Variants in EXOC4 observed in about 807,000 individuals in gnomAD.
EXOC4 encodes the protein SEC8-like 1.
EXOC4 carries 71 observed loss-of-function variants against 107.2 expected under a neutral mutation model. The ratio of observed to expected loss-of-function variants is 0.66; its 90% CI spans 0.55 to 0.81. The LOEUF (loss-of-function observed/expected upper bound fraction) is 0.81, where lower values mean the gene tolerates loss of function less well. Among genes scored for constraint, EXOC4 ranks in the 30% least tolerant of loss-of-function variants. EXOC4 has a pLI of 0.00. For missense variants in EXOC4, 1,108 were observed against 1,189.6 expected (o/e 0.93, Z 1.01); for synonymous variants, 456 against 441.2 (o/e 1.03, Z -0.42).
At chr7:133,971,116 G>A (rs1801211157) in intron 14 of EXOC4, among the ~76,000 whole-genome samples, 1 of 151,796 alleles carries the variant, frequency 6.6e-6, no homozygotes, top group African/African-American at 2.4e-5. Context: ...AGAGGCCCGG[G>A]CTTGACTTTC....
Position 134,053,805 on chromosome 7 carries a change from A to G in EXOC4, c.2688-10486A>G, listed in dbSNP as rs540939138. Reference sequence around the variant, plus strand: ...TTTCCTCCAACCTCCTGTCCCTTTAATCCCATCTGATCCTCTTTTCTGATT... The same window carrying G: ...TTTCCTCCAACCTCCTGTCCCTTTAGTCCCATCTGATCCTCTTTTCTGATT... On this transcript the variant is annotated intron_variant, in intron 17 of 17. Coordinates refer to ENST00000253861, the MANE Select transcript of EXOC4 (RefSeq NM_021807.4). 5.9e-5 allele frequency among the ~76,000 whole-genome samples: 9 copies of G among 152,138 alleles called. 1 individual carries two copies. The South Asian group carries it at 1.9e-3, about 32-fold the overall frequency.
intron 9 of EXOC4, among the ~76,000 whole-genome samples, chr7:133,628,084 G>A (rs34323853): frequency 0.39 from 59,858 of 151,704 alleles, 12,123 homozygotes; most frequent in South Asian, 0.52. Flanking sequence ...GTTTAATTTA[G>A]AAGAAGGAAA....
intron 10 of EXOC4, among the ~76,000 whole-genome samples, chr7:133,814,583 T>C (rs1326842455): frequency 6.6e-6 from 1 of 152,202 alleles, no homozygotes; most frequent in Non-Finnish European, 1.5e-5. Context: ...ATCTGGCTTT[T>C]TGAATAATAG....
intron 14 of EXOC4, among the ~76,000 whole-genome samples, chr7:133,995,392 C>G (rs563419853): frequency 6.6e-6 from 1 of 152,288 alleles, no homozygotes; most frequent in East Asian, 1.9e-4. Context: ...GTAGATAACT[C>G]TCCATGCTAC....
intron 17 of EXOC4, among the ~76,000 whole-genome samples, chr7:134,044,527 G>C (rs537928354): frequency 6.6e-6 from 1 of 152,254 alleles, no homozygotes; most frequent in Non-Finnish European, 1.5e-5. Flanking sequence ...TGTATCTGCT[G>C]AGATCACAGG....
chr7:133,412,814 T>A (rs1185487872), intron 7 of EXOC4, among the ~76,000 whole-genome samples: 1 of 152,124 alleles, frequency 6.6e-6, no homozygotes. Context: ...AGTTTGAGGT[T>A]TTCTTTTTTT....
At chr7:134,007,077 A>G (rs1794658620) in intron 16 of EXOC4, among the ~76,000 whole-genome samples, 1 of 152,170 alleles carries the variant, frequency 6.6e-6, no homozygotes, top group African/African-American at 2.4e-5. Flanking sequence ...ATTGTGTCTT[A>G]TACACCCATT....
rs1379536383 is a variant in EXOC4, at chr7:134,033,487, A to AC, written c.2687+25656dup. 5.3e-5 allele frequency among the ~76,000 whole-genome samples: 8 copies of AC among 152,096 alleles called. No homozygotes were observed. In the East Asian group the frequency reaches 1.6e-3, roughly 29 times the overall value. ...CCCACCTGTTAGCACCTTCTGCACC[A>AC]CCCCACATAACACTCCCAGGAACTC... On this transcript the variant is annotated intron_variant, in intron 17 of 17. Coordinates refer to ENST00000253861, the MANE Select transcript of EXOC4 (RefSeq NM_021807.4).
chr7:133,617,224 G>A (rs556947818), intron 9 of EXOC4, among the ~76,000 whole-genome samples: 22 of 152,222 alleles, frequency 1.4e-4, no homozygotes, highest in Non-Finnish European at 2.6e-4. Context: ...AGGATTACAA[G>A]AAAATGGACT....
At chr7:133,365,620 A>C (rs943314728) in intron 6 of EXOC4, among the ~76,000 whole-genome samples, 3 of 152,118 alleles carry the variant, frequency 2.0e-5, no homozygotes, top group Non-Finnish European at 2.9e-5. Context: ...GCAGATGGAG[A>C]ATTAGTCAGC....
intron 7 of EXOC4, among the ~76,000 whole-genome samples, chr7:133,405,866 G>T (rs1797205793): frequency 6.6e-6 from 1 of 152,102 alleles, no homozygotes; most frequent in African/African-American, 2.4e-5. Context: ...ACTGTACTGT[G>T]GGTAACTGAA....
intron 10 of EXOC4, among the ~76,000 whole-genome samples, chr7:133,631,465 A>T (rs1203581365): frequency 6.6e-6 from 1 of 152,090 alleles, no homozygotes; most frequent in Non-Finnish European, 1.5e-5. Context: ...ATCGTAGTGG[A>T]TTAGTTTCCT....
intron 12 of EXOC4, among the ~76,000 whole-genome samples, chr7:133,910,349 CTAAAT>C (rs1385793254): frequency 1.3e-5 from 2 of 152,180 alleles, no homozygotes; most frequent in African/African-American, 4.8e-5. Flanking sequence ...AAGGTTGTTA[CTAAAT>C]TATCCCCAAG....
intron 1 of EXOC4, among the ~76,000 whole-genome samples, chr7:133,269,732 T>C (rs1275229476): frequency 1.3e-5 from 2 of 152,330 alleles, no homozygotes; most frequent in Admixed American, 1.3e-4. Context: ...TTAGGCTATA[T>C]TATTAGAAAG....
intron 14 of EXOC4, among the ~76,000 whole-genome samples, chr7:133,974,419 A>G (rs1369660674): frequency 6.6e-6 from 1 of 152,236 alleles, no homozygotes; most frequent in Non-Finnish European, 1.5e-5. Flanking sequence ...AAAGAAAACT[A>G]TCCAAATTAT....
intron 10 of EXOC4, among the ~76,000 whole-genome samples, chr7:133,800,506 T>C (rs1796916259): frequency 6.6e-6 from 1 of 152,224 alleles, no homozygotes; most frequent in Non-Finnish European, 1.5e-5. Flanking sequence ...TTTCCAGTTT[T>C]GTTTTAATAA....
intron 7 of EXOC4, among the ~76,000 whole-genome samples, chr7:133,463,492 G>A (rs1369634315): frequency 6.6e-6 from 1 of 152,180 alleles, no homozygotes; most frequent in Non-Finnish European, 1.5e-5. Flanking sequence ...AAAGTATGAT[G>A]TAAGAGGGAT....
At chr7:133,609,273 A>G (rs1333507357) in intron 9 of EXOC4, among the ~76,000 whole-genome samples, 1 of 152,202 alleles carries the variant, frequency 6.6e-6, no homozygotes, top group East Asian at 1.9e-4. Flanking sequence ...ACTTCTTCCT[A>G]TTATTTTATG....
chr7:134,072,812 C>G, the EXOC4 span, among the ~76,000 whole-genome samples: 1 of 152,142 alleles, frequency 6.6e-6, no homozygotes, highest in Non-Finnish European at 1.5e-5. Context: ...AAATAATATC[C>G]TGTCTGTTTC....
Sources: gnomAD v4.1 joint callset for allele counts (sites outside exome capture counted in the v4.1 genomes callset) on GRCh38, gnomAD v4.1.1 for gene constraint, MANE v1.5 for transcripts, NCBI Gene and HGNC (gene_info 2026-07-23, HGNC 2026-07-21) for gene names.